EPAS1: variants seen among roughly 807,000 people sequenced by gnomAD.
EPAS1 encodes the protein endothelial PAS domain-containing protein 1.
In EPAS1, 23 loss-of-function variants were observed where a neutral mutation model predicts 87.9. That is an observed-to-expected ratio of 0.26 (90% confidence interval 0.19 to 0.37). The LOEUF (loss-of-function observed/expected upper bound fraction) is 0.37, where lower values mean the gene tolerates loss of function less well. Among genes scored for constraint, EPAS1 ranks in the 10% least tolerant of loss-of-function variants. The pLI is 1.00. For missense variants in EPAS1, 1,138 were observed against 1,120.7 expected, an observed-to-expected ratio of 1.02 and a Z score of -0.22; for synonymous variants, 508 against 444.3, an observed-to-expected ratio of 1.14 and a Z score of -1.80.
intron 1 of EPAS1, among the ~76,000 whole-genome samples, chr2:46,340,209 C>G (rs766016396): frequency 2.6e-5 from 4 of 152,078 alleles, no homozygotes; most frequent in Non-Finnish European, 5.9e-5. Flanking sequence ...TTCTACAAGG[C>G]TGCCTGGGGC....
rs202210836 is a variant in EPAS1 at position 46,356,139 on chromosome 2, C to A, written c.218-12C>A. On this transcript the variant is annotated splice_polypyrimidine_tract_variant and intron_variant, in intron 2 of 15. Transcript: ENST00000263734. ...CATTCATGCAAGCTGTCCCACCCCC[C>A]CCCCTTTCCAGTTTGCTCTGAAAAC... is the stretch of plus-strand genomic sequence containing the variant. The A allele has an allele frequency of 7.2e-3, 9,756 of 1,353,870 alleles. 85 individuals carry two copies. Among genetic ancestry groups the A allele is most frequent in the Non-Finnish European group, 9.4e-3 (8,919 of 951,414 alleles). The allele number at this position is 1,353,870 out of a possible 1,614,324, so 83.9% of individuals were successfully genotyped here.
rs1407781572 is a variant in EPAS1 at position 46,300,574 on chromosome 2, G to A, written c.26+2637G>A. Among the ~76,000 whole-genome samples the A allele has an allele frequency of 1.3e-5, 2 of 152,212 alleles. No individual in the cohort carries two copies. The highest frequency in any genetic ancestry group is 2.9e-5 in the Non-Finnish European group (2 of 68,046). ...GACATCACAGATGTCAGAAACTGAA[G>A]CCTGGTGGGTGGGGGTACTGCACTT... On this transcript the variant is annotated intron_variant, in intron 1 of 15. Transcript: ENST00000263734. This position sits in a 1 kb window ranked among gnomAD's most constrained non-coding sequence, Gnocchi z 4.1.
intron 1 of EPAS1, among the ~76,000 whole-genome samples, chr2:46,341,756 C>A (rs1350030061): frequency 1.3e-5 from 2 of 152,124 alleles, no homozygotes; most frequent in South Asian, 2.1e-4. Flanking sequence ...TTTCATAAGT[C>A]CTCCAGGTGA....
In EPAS1 at chr2:46,384,896, G is replaced by T. The variant is rs1684978973; in HGVS notation, c.*236G>T. Reference sequence around the variant, plus strand: ...CTGTTCTGAAATGTTCTTAAATTTTGTAGGATTTTTTTCCTCCCCACCTTC... The same window carrying T: ...CTGTTCTGAAATGTTCTTAAATTTTTTAGGATTTTTTTCCTCCCCACCTTC... On this transcript the variant is annotated 3_prime_UTR_variant, in exon 16 of 16. Transcript: ENST00000263734. The T allele has an allele frequency of 1.7e-6, 1 of 576,626 alleles. No individual in the cohort carries two copies. Among genetic ancestry groups the T allele is most frequent in the Admixed American group, 3.1e-5 (1 of 32,362 alleles). The allele number at this position is 576,626 out of a possible 1,614,324, so 35.7% of individuals were successfully genotyped here.
intron 1 of EPAS1, among the ~76,000 whole-genome samples, chr2:46,301,126 C>A (rs1682987463): frequency 6.6e-6 from 1 of 152,120 alleles, no homozygotes; most frequent in Admixed American, 6.5e-5. Context: ...AGAATGCCAT[C>A]ATTTCAAGTT....
intron 1 of EPAS1, among the ~76,000 whole-genome samples, chr2:46,321,537 T>C (rs1255882862): frequency 6.6e-6 from 1 of 152,216 alleles, no homozygotes; most frequent in East Asian, 1.9e-4. Context: ...CACTTGTTAT[T>C]TTCTGTTTTT....
At chr2:46,305,361 C>T (rs78897256) in intron 1 of EPAS1, among the ~76,000 whole-genome samples, 26 of 152,272 alleles carry the variant, frequency 1.7e-4, no homozygotes, top group African/African-American at 6.0e-4. Context: ...CTGCCTTAGG[C>T]TGTTTGCAGG....
intron 2 of EPAS1, among the ~76,000 whole-genome samples, chr2:46,355,003 C>A (rs746676378): frequency 1.3e-5 from 2 of 152,196 alleles, no homozygotes; most frequent in African/African-American, 4.8e-5. Context: ...ATCTTCTTTG[C>A]AACAGTTAGT....
chr2:46,301,443 G>C (rs987054505), intron 1 of EPAS1, among the ~76,000 whole-genome samples: 13 of 152,034 alleles, frequency 8.6e-5, no homozygotes, highest in Non-Finnish European at 1.3e-4. Flanking sequence ...CGGGCGTGGT[G>C]GTGGGTGCCT....
Position 46,375,631 on chromosome 2 carries a change from C to T in EPAS1, c.887-59C>T. Reference sequence around the variant, plus strand: ...CTGCCCTCCCATGCGATCTGCTGAGCCTGTGGTGCACACCCCTGCCCCACC... The same window carrying T: ...CTGCCCTCCCATGCGATCTGCTGAGTCTGTGGTGCACACCCCTGCCCCACC... On this transcript the variant is annotated intron_variant, in intron 7 of 15. Coordinates refer to ENST00000263734, the MANE Select transcript of EPAS1 (RefSeq NM_001430.5). The surrounding 1 kb of genome is among the most constrained non-coding windows in gnomAD (Gnocchi z 4.1). The T allele has an allele frequency of 1.9e-6, 3 of 1,584,754 alleles. No homozygotes were observed. Among genetic ancestry groups the T allele is most frequent in the Non-Finnish European group, 2.6e-6 (3 of 1,163,728 alleles).
chr2:46,382,730 G>T (rs1241001266), intron 15 of EPAS1, 132 bp downstream of exon 15: 17 of 1,211,200 alleles, frequency 1.4e-5, no homozygotes, highest in Non-Finnish European at 2.0e-5. Flanking sequence ...CCTATACAGG[G>T]CTCAGGTCTC....
intron 1 of EPAS1, among the ~76,000 whole-genome samples, chr2:46,331,647 A>C (rs1223318363): frequency 6.6e-6 from 1 of 151,916 alleles, no homozygotes; most frequent in Non-Finnish European, 1.5e-5. Context: ...ATTAAGGGAA[A>C]TAACTAAGCG....
At chr2:46,364,715 G>A (rs1572640715) in intron 6 of EPAS1, among the ~76,000 whole-genome samples, 1 of 152,336 alleles carries the variant, frequency 6.6e-6, no homozygotes, top group South Asian at 2.1e-4. Context: ...AGCAAGTTGA[G>A]TAGCAGGGTA....
At chr2:46,297,971 T>G (rs1452456221) in intron 1 of EPAS1, 34 bp downstream of exon 1, 1 of 1,609,020 alleles carries the variant, frequency 6.2e-7, no homozygotes, top group African/African-American at 1.3e-5. Context: ...AGGGGGCCGG[T>G]CCGAGGCCAG....
In EPAS1 at chr2:46,384,645, G is replaced by A. The variant is rs776002310; in HGVS notation, c.2598G>A (p.Leu866=). ...AAGGAGGGGACCTCCTCAGAGCCCT[G>A]GACCAGGCCACCTGAGCCAGGCCTT... ...LLQGGDLLRA[L]DQAT is the part of the protein sequence containing the mutation. Residue 866 remains leucine, a synonymous_variant, in exon 16 of 16, where the codon CTG becomes CTA. Transcript: ENST00000263734. The A allele has an allele frequency of 8.1e-6, 13 of 1,613,744 alleles. No individual in the cohort carries two copies. The highest frequency in any genetic ancestry group is 1.1e-5 in the Non-Finnish European group (13 of 1,179,982).
chr2:46,313,757 G>T (rs570115674), intron 1 of EPAS1, among the ~76,000 whole-genome samples: 1 of 152,250 alleles, frequency 6.6e-6, no homozygotes, highest in Non-Finnish European at 1.5e-5. Context: ...AGCCCCACAT[G>T]TCATAATTTA....
In EPAS1 at chr2:46,360,124, G is replaced by A. The variant is rs116455690; in HGVS notation, c.455-514G>A. Among the ~76,000 whole-genome samples, 563 of 152,326 alleles carry A rather than the reference G, an allele frequency of 3.7e-3. No homozygotes were observed. Among genetic ancestry groups the A allele is most frequent in the African/African-American group, 0.013 (550 of 41,572 alleles). ...ATCCTGAACACAGCTATTGCAGTTT[G>A]CAAATGGGGTACAGGAGGGGTTAAA... On this transcript the variant is annotated intron_variant, in intron 4 of 15. Coordinates refer to ENST00000263734, the MANE Select transcript of EPAS1 (RefSeq NM_001430.5). The surrounding 1 kb of genome is among the most constrained non-coding windows in gnomAD (Gnocchi z 4.5).
chr2:46,333,601 G>T (rs1240803478), intron 1 of EPAS1, among the ~76,000 whole-genome samples: 3 of 152,128 alleles, frequency 2.0e-5, no homozygotes, highest in Non-Finnish European at 4.4e-5. Flanking sequence ...GAGTTTGGGG[G>T]TGGCAGGGCA....
At chr2:46,309,492 G>A (rs1683171684) in intron 1 of EPAS1, among the ~76,000 whole-genome samples, 1 of 152,256 alleles carries the variant, frequency 6.6e-6, no homozygotes, top group South Asian at 2.1e-4. Flanking sequence ...AAGTGAGAGT[G>A]AGTAAGGGTA....
Sources: allele counts gnomAD v4.1 joint callset (sites outside exome capture counted in the v4.1 genomes callset), GRCh38; gene constraint gnomAD v4.1.1; non-coding constraint Gnocchi (gnomAD v3.1); transcripts MANE v1.5; gene names NCBI Gene and HGNC (gene_info 2026-07-23, HGNC 2026-07-21).